RALGAPB: variants seen among roughly 807,000 people sequenced by gnomAD.
RALGAPB encodes Ral GTPase activating protein non-catalytic subunit beta.
A neutral mutation model predicts 161.1 loss-of-function variants in RALGAPB; 25 were observed. The ratio of observed to expected loss-of-function variants is 0.16; its 90% CI spans 0.11 to 0.22. RALGAPB has a LOEUF of 0.22. RALGAPB is among the 10% of genes least tolerant of loss of function. The probability of loss-of-function intolerance (pLI) is 1.00; values close to 1 mark genes in which losing one functional copy is unlikely to be tolerated. For synonymous variants in RALGAPB, 629 were observed against 626.1 expected (o/e 1.00, Z -0.07); for missense variants, 1,391 against 1,815.2 (o/e 0.77, Z 4.25).
In RALGAPB at chr20:38,570,075, A is replaced by G. The variant is rs778416414; in HGVS notation, c.4063+79A>G. On this transcript the variant is annotated intron_variant, in intron 27 of 29. Coordinates refer to ENST00000262879, the MANE Select transcript of RALGAPB (RefSeq NM_020336.4). The stretch of plus-strand genomic sequence containing the variant: ...TGCTAAATGTCTACAGGGAGTGGGC[A>G]CATAAGCCTGGTGTGGCCAGGAGCT... 1.4e-3 allele frequency: 1,689 copies of G among 1,220,456 alleles called. 1 individual carries two copies. Among genetic ancestry groups the G allele is most frequent in the Non-Finnish European group, 1.8e-3 (1,535 of 840,858 alleles). 75.6% of individuals were successfully genotyped at this position (1,220,456 alleles called of 1,614,324 possible).
In RALGAPB at chr20:38,521,676, A is replaced by G; in HGVS notation, c.1597A>G (p.Ile533Val). The change falls in exon 10 of 30, where the codon ATT becomes GTT. Residue 533 changes from isoleucine to valine, a missense_variant. Physicochemically the swap from Ile to Val is conservative, Grantham distance 29 (BLOSUM62 3). This residue lies in a region of RALGAPB where 946 missense variants were observed against 1,257.2 expected (regional missense o/e 0.75). Coordinates refer to ENST00000262879, the MANE Select transcript of RALGAPB (RefSeq NM_020336.4). The part of the protein sequence containing the change: ...IFCSKKTGEE[I>V]LPAYLSRFYM... ...TTGTAGCAAGAAGACTGGAGAAGAG[A>G]TTCTGCCAGCTTATTTATCCAGGTC... 3 of 1,614,062 alleles carry G rather than the reference A, an allele frequency of 1.9e-6. No individual in the cohort carries two copies. In the South Asian group the frequency reaches 3.3e-5, roughly 18 times the overall value.
chr20:38,496,265 C>T (rs187978999), intron 3 of RALGAPB, among the ~76,000 whole-genome samples: 232 of 152,190 alleles, frequency 1.5e-3, no homozygotes, highest in Non-Finnish European at 2.7e-3. Flanking sequence ...GGGTAAGTGT[C>T]GTTTTCTGCA....
At chr20:38,567,368 A>G (rs2088045311) in intron 26 of RALGAPB, 136 bp downstream of exon 26, 1 of 1,224,588 alleles carries the variant, frequency 8.2e-7, no homozygotes. Flanking sequence ...ATTTTTTAAA[A>G]TAAAATTCTC....
At position 38,523,362 on chromosome 20, in the gene RALGAPB, A is replaced by G. The variant is rs118036712; in HGVS notation, c.1620-1416A>G. ...TGTTGTGGGGGCATGTTTCTCAGGA[A>G]CTCTGGGCTGGGGAGATATCCTAAA... On this transcript the variant is annotated intron_variant, in intron 10 of 29. Transcript: ENST00000262879. 9.1e-3 allele frequency among the ~76,000 whole-genome samples: 1,391 copies of G among 152,090 alleles called. 20 individuals carry two copies. Among genetic ancestry groups the G allele is most frequent in the Non-Finnish European group, 0.015 (986 of 67,974 alleles).
At chr20:38,526,164 G>T (rs2086461117) in intron 13 of RALGAPB, 122 bp downstream of exon 13, 4 of 1,130,750 alleles carry the variant, frequency 3.5e-6, no homozygotes, top group Non-Finnish European at 5.1e-6. Context: ...CTCTGAATCA[G>T]AGGCACAAGT....
chr20:38,568,977 T>C (rs2088118176), intron 26 of RALGAPB: 1 of 152,144 alleles, frequency 6.6e-6, no homozygotes, highest in South Asian at 2.1e-4. Flanking sequence ...CAAAGCTAAA[T>C]AGGGACCTTG....
chr20:38,557,327 C>T (rs2087620093), intron 22 of RALGAPB, among the ~76,000 whole-genome samples: 1 of 152,160 alleles, frequency 6.6e-6, no homozygotes, highest in Non-Finnish European at 1.5e-5. Flanking sequence ...TGATGTGGTG[C>T]ATTTGTTGTG....
At chr20:38,475,595 A>T (rs2084779157) in intron 1 of RALGAPB, among the ~76,000 whole-genome samples, 1 of 151,892 alleles carries the variant, frequency 6.6e-6, no homozygotes, top group Non-Finnish European at 1.5e-5. Flanking sequence ...AATTAAAAAC[A>T]CATTTCATAA....
intron 26 of RALGAPB, chr20:38,568,843 T>C (rs951649561): frequency 2.6e-5 from 4 of 152,102 alleles, no homozygotes; most frequent in Non-Finnish European, 5.9e-5. Flanking sequence ...AGGGATCCTG[T>C]GGGTTTAATT....
chr20:38,552,308 T>G (rs2087405128), intron 21 of RALGAPB, among the ~76,000 whole-genome samples: 1 of 151,980 alleles, frequency 6.6e-6, no homozygotes, highest in East Asian at 1.9e-4. Flanking sequence ...GCCTGGCCAA[T>G]TTTTGTATTT....
intron 18 of RALGAPB, among the ~76,000 whole-genome samples, chr20:38,545,893 T>C (rs1020808003): frequency 3.9e-5 from 6 of 152,170 alleles, no homozygotes; most frequent in African/African-American, 9.7e-5. Flanking sequence ...CCATGCAAGA[T>C]TCTAAGATAT....
intron 1 of RALGAPB, among the ~76,000 whole-genome samples, chr20:38,478,284 C>T (rs1260558091): frequency 6.6e-6 from 1 of 152,200 alleles, no homozygotes; most frequent in African/African-American, 2.4e-5. Flanking sequence ...TACTTTGTTT[C>T]CTTACCTAGT....
At chr20:38,552,798 A>G (rs6026469) in intron 21 of RALGAPB, among the ~76,000 whole-genome samples, 2,775 of 152,294 alleles carry the variant, frequency 0.018, 82 homozygotes, top group African/African-American at 0.062. Context: ...AGCATTATCT[A>G]TAGTGAAGTT....
At chr20:38,503,500 G>A (rs1421553597) in intron 5 of RALGAPB, among the ~76,000 whole-genome samples, 2 of 152,162 alleles carry the variant, frequency 1.3e-5, no homozygotes, top group East Asian at 1.9e-4. Context: ...CAAATTAGAA[G>A]TATAGCCCAA....
At chr20:38,524,088 A>G (rs543605765) in intron 10 of RALGAPB, among the ~76,000 whole-genome samples, 6 of 152,354 alleles carry the variant, frequency 3.9e-5, no homozygotes, top group South Asian at 2.1e-4. Flanking sequence ...ATAGAAGAGT[A>G]TAACAGTGCA....
At chr20:38,531,277 T>G (rs746086941) in intron 14 of RALGAPB, 46 bp downstream of exon 14, 2 of 1,444,378 alleles carry the variant, frequency 1.4e-6, no homozygotes, top group East Asian at 2.3e-5. Context: ...ACTTTTGAAT[T>G]TCATGTAAAT....
At chr20:38,541,871 G>A (rs1346215003) in intron 18 of RALGAPB, among the ~76,000 whole-genome samples, 1 of 152,164 alleles carries the variant, frequency 6.6e-6, no homozygotes, top group African/African-American at 2.4e-5. Context: ...ACTCTGGGAG[G>A]ATGGGTCAAG....
At chr20:38,504,158 C>T (rs927690713) in intron 5 of RALGAPB, among the ~76,000 whole-genome samples, 1 of 152,142 alleles carries the variant, frequency 6.6e-6, no homozygotes, top group African/African-American at 2.4e-5. Context: ...AAGCTGGAGG[C>T]TTCACATTAC....
Position 38,565,308 on chromosome 20 carries a change from G to T in RALGAPB, c.3698-51G>T, listed in dbSNP as rs770814987. The T allele has an allele frequency of 2.2e-5, 35 of 1,594,542 alleles. No individual in the cohort carries two copies. In the Admixed American group the frequency reaches 3.3e-4, roughly 15 times the overall value. On this transcript the variant is annotated intron_variant, in intron 24 of 29. Coordinates refer to ENST00000262879, the MANE Select transcript of RALGAPB (RefSeq NM_020336.4). ...CATTTCATGTAGCAAGATGATACTG[G>T]TTTTTTCCTACTTTTTGAAGCGGTA...
Sources: gnomAD v4.1 joint callset for allele counts (sites outside exome capture counted in the v4.1 genomes callset) on GRCh38, gnomAD v4.1.1 for gene constraint, gnomAD v4.1.1 regional missense constraint, MANE v1.5 for transcripts, NCBI Gene and HGNC (gene_info 2026-07-23, HGNC 2026-07-21) for gene names.